CCDC192: variants seen among roughly 807,000 people sequenced by gnomAD.
CCDC192 encodes the protein coiled-coil domain-containing protein 192.
At chr5:127,791,524 A>G (rs1363615825) in intron 3 of CCDC192, among the ~76,000 whole-genome samples, 3 of 152,224 alleles carry the variant, frequency 2.0e-5, no homozygotes, top group African/African-American at 7.2e-5. Flanking sequence ...GTGTAGCAGG[A>G]CACTTTCAGC....
intron 6 of CCDC192, among the ~76,000 whole-genome samples, chr5:127,907,949 A>G (rs1429724022): frequency 2.0e-5 from 3 of 152,244 alleles, no homozygotes; most frequent in Non-Finnish European, 4.4e-5. Flanking sequence ...TTTAAGTCAT[A>G]ATCAGGTTGT....
chr5:127,917,068 C>T (rs528455794), intron 6 of CCDC192, among the ~76,000 whole-genome samples: 4 of 152,332 alleles, frequency 2.6e-5, no homozygotes, highest in African/African-American at 9.6e-5. Context: ...GCTGCAGCTC[C>T]TCCATCGGCA....
At chr5:127,888,526 T>C (rs1413706342) in intron 6 of CCDC192, among the ~76,000 whole-genome samples, 1 of 152,068 alleles carries the variant, frequency 6.6e-6, no homozygotes, top group African/African-American at 2.4e-5. Flanking sequence ...GAATACTAGA[T>C]CTAGTATCAC....
intron 2 of CCDC192, among the ~76,000 whole-genome samples, chr5:127,719,828 A>AAG (rs1414783633): frequency 4.6e-5 from 2 of 43,680 alleles, no homozygotes; most frequent in Non-Finnish European, 9.6e-5. Context: ...AGATCAGAGG[A>AAG]AGGGGCGGGG....
intron 3 of CCDC192, among the ~76,000 whole-genome samples, chr5:127,772,950 T>A (rs1755648702): frequency 6.6e-6 from 1 of 151,990 alleles, no homozygotes; most frequent in African/African-American, 2.4e-5. Flanking sequence ...GCAGCTTCTG[T>A]TTTTTTCAGG....
intron 6 of CCDC192, among the ~76,000 whole-genome samples, chr5:127,937,016 A>G (rs1296476664): frequency 6.6e-6 from 1 of 152,198 alleles, no homozygotes; most frequent in African/African-American, 2.4e-5. Flanking sequence ...TCCAATACAA[A>G]TAGGACTTGA....
intron 5 of CCDC192, among the ~76,000 whole-genome samples, chr5:127,819,984 C>G (rs1368850047): frequency 2.0e-5 from 3 of 152,216 alleles, no homozygotes; most frequent in African/African-American, 7.2e-5. Flanking sequence ...CGCACACACA[C>G]TCTCTCACAC....
At chr5:127,800,053 A>G (rs1267221169) in intron 5 of CCDC192, among the ~76,000 whole-genome samples, 1 of 151,998 alleles carries the variant, frequency 6.6e-6, no homozygotes. Flanking sequence ...AGATTAGATC[A>G]CTCGTCACAC....
Position 127,712,709 on chromosome 5 carries a change from T to G in CCDC192, c.114+4949T>G, listed in dbSNP as rs77681808. On this transcript the variant is annotated intron_variant, in intron 2 of 6. Coordinates refer to ENST00000514853, the MANE Select transcript of CCDC192 (RefSeq NM_001317938.2). ...GTTTTAGGCTCTTAAAAATAAGGCT[T>G]CTATGAATATTCATGCATGAGTCTT... Among the ~76,000 whole-genome samples the G allele has an allele frequency of 2.3e-3, 345 of 152,354 alleles. 1 individual carries two copies. Among genetic ancestry groups the G allele is most frequent in the African/African-American group, 7.9e-3 (330 of 41,588 alleles).
chr5:127,743,330 G>A (rs1461430171), intron 2 of CCDC192, among the ~76,000 whole-genome samples: 1 of 152,102 alleles, frequency 6.6e-6, no homozygotes, highest in African/African-American at 2.4e-5. Context: ...AACCTTTGTT[G>A]GTTCCTTTAA....
intron 5 of CCDC192, among the ~76,000 whole-genome samples, chr5:127,805,067 C>T (rs547686344): frequency 3.9e-5 from 6 of 152,206 alleles, no homozygotes; most frequent in South Asian, 2.1e-4. Context: ...CAAATGAGAA[C>T]GATCTTCCTG....
chr5:127,932,038 C>T (rs559483233), intron 6 of CCDC192, among the ~76,000 whole-genome samples: 1 of 151,374 alleles, frequency 6.6e-6, no homozygotes, highest in Admixed American at 6.6e-5. Flanking sequence ...CCTGTAGTCC[C>T]ACCTACTTGG....
chr5:127,873,089 T>C (rs1751928844), intron 5 of CCDC192, among the ~76,000 whole-genome samples: 1 of 152,180 alleles, frequency 6.6e-6, no homozygotes, highest in Admixed American at 6.5e-5. Context: ...TCCATCAAAA[T>C]GAAAATGTAG....
chr5:127,936,633 A>G (rs998750690), intron 6 of CCDC192, among the ~76,000 whole-genome samples: 4 of 152,204 alleles, frequency 2.6e-5, no homozygotes, highest in Non-Finnish European at 5.9e-5. Context: ...AAACCCCTTC[A>G]GTAGTGGCGA....
chr5:127,801,160 A>T (rs1448568656), intron 5 of CCDC192, among the ~76,000 whole-genome samples: 2 of 152,132 alleles, frequency 1.3e-5, no homozygotes, highest in African/African-American at 2.4e-5. Flanking sequence ...GAGAAAGGGG[A>T]TTTAAAAACC....
At chr5:127,742,679 T>G (rs924077846) in intron 2 of CCDC192, among the ~76,000 whole-genome samples, 1 of 152,198 alleles carries the variant, frequency 6.6e-6, no homozygotes, top group Admixed American at 6.5e-5. Flanking sequence ...ACTTTTCAAT[T>G]TTTTTCAAGA....
chr5:127,863,223 T>A (rs1751447687), intron 5 of CCDC192, among the ~76,000 whole-genome samples: 1 of 152,202 alleles, frequency 6.6e-6, no homozygotes, highest in Non-Finnish European at 1.5e-5. Context: ...TCAAGAAATG[T>A]CTTCTGCACA....
At position 127,875,113 on chromosome 5, in the gene CCDC192, G is replaced by A. The variant is rs374964992; in HGVS notation, c.412-425G>A. 4.9e-3 allele frequency among the ~76,000 whole-genome samples: 747 copies of A among 152,186 alleles called. 5 individuals are homozygous for A. The highest frequency in any genetic ancestry group is 0.017 in the African/African-American group (688 of 41,512). ...AGTGTATTTGAAAGCAAACCATTAT[G>A]GTGTTGAGGGGGAAATGACTTAGAA... On this transcript the variant is annotated intron_variant, in intron 5 of 6. Transcript: ENST00000514853.
chr5:127,894,570 T>A (rs1752827510), intron 6 of CCDC192, among the ~76,000 whole-genome samples: 7 of 152,162 alleles, frequency 4.6e-5, no homozygotes, highest in Admixed American at 4.6e-4. Context: ...CAATGTAAGT[T>A]TCCACAGCTA....
Sources: gnomAD v4.1 joint callset for allele counts (sites outside exome capture counted in the v4.1 genomes callset) on GRCh38, gnomAD v4.1.1 for gene constraint, MANE v1.5 for transcripts, NCBI Gene and HGNC (gene_info 2026-07-23, HGNC 2026-07-21) for gene names.